Variants in TTC7A observed in about 807,000 individuals in gnomAD.
TTC7A encodes the protein tetratricopeptide repeat domain 7A.
Under a neutral mutation model 103.7 loss-of-function variants are expected in TTC7A, and 110 were observed. The ratio of observed to expected loss-of-function variants is 1.06; its 90% CI spans 0.91 to 1.24. TTC7A has a LOEUF of 1.24. Among genes scored for constraint, TTC7A ranks in the 50% most tolerant of loss-of-function variants. The pLI is 0.00. For missense variants in TTC7A, 1,340 were observed against 1,116.3 expected (o/e 1.20, Z -2.86); for synonymous variants, 521 against 467.9 (o/e 1.11, Z -1.47).
intron 18 of TTC7A, among the ~76,000 whole-genome samples, chr2:47,057,071 C>T (rs974929585): frequency 2.0e-5 from 3 of 152,234 alleles, no homozygotes; most frequent in African/African-American, 4.8e-5. Flanking sequence ...GTGGATGCGG[C>T]GCCCCAGGGC....
At chr2:47,052,276 A>G (rs1195719533) in intron 18 of TTC7A, among the ~76,000 whole-genome samples, 2 of 152,210 alleles carry the variant, frequency 1.3e-5, no homozygotes, top group African/African-American at 4.8e-5. Context: ...TGAGGTTGCC[A>G]TTCAGGTGAC....
Position 46,931,692 on chromosome 2 carries a change from T to A in TTC7A, c.82+14415T>A, listed in dbSNP as rs535073176. 2.6e-3 allele frequency among the ~76,000 whole-genome samples: 385 copies of A among 148,642 alleles called. 3 individuals are homozygous for A. Among genetic ancestry groups the A allele is most frequent in the African/African-American group, 8.6e-3 (343 of 40,016 alleles). ...TGGGGGAAAAAACAAAAACAGACAA[T>A]AATAAATAAATAAATAAATAAATAA... On this transcript the variant is annotated intron_variant, in intron 2 of 20. Coordinates refer to the TTC7A transcript ENST00000409245.
Position 46,934,787 on chromosome 2 carries a change from C to CTTTTTTTTTTT in TTC7A, c.83-15554_83-15544dup, listed in dbSNP as rs1161003607. ...GGAATAAGGTATGAAGACTACTGCT[C>CTTTTTTTTTTT]TTTTTTTTTTTTTTTTTTTTTTTTT... is the stretch of plus-strand genomic sequence containing the variant. On this transcript the variant is annotated intron_variant, in intron 2 of 20. Coordinates refer to the TTC7A transcript ENST00000409245. Among the ~76,000 whole-genome samples the CTTTTTTTTTTT allele has an allele frequency of 1.4e-3, 91 of 66,914 alleles. 11 individuals carry two copies. Among genetic ancestry groups the CTTTTTTTTTTT allele is most frequent in the Non-Finnish European group, 1.9e-3 (71 of 37,306 alleles). 43.9% of individuals were successfully genotyped at this position (66,914 alleles called of 152,430 possible).
intron 8 of TTC7A, among the ~76,000 whole-genome samples, chr2:47,001,246 G>T (rs1676771889): frequency 6.6e-6 from 1 of 152,166 alleles, no homozygotes; most frequent in South Asian, 2.1e-4. Context: ...TGGGCAGAGG[G>T]AGAGGTTAGT....
chr2:47,074,205 C>A lies in TTC7A; in HGVS notation c.*282C>A. 1 of 481,224 alleles carries A rather than the reference C, an allele frequency of 2.1e-6. No homozygotes were observed. Among genetic ancestry groups the A allele is most frequent in the South Asian group, 2.2e-5 (1 of 44,512 alleles). The allele number at this position is 481,224 out of a possible 1,614,324, so 29.8% of individuals were successfully genotyped here. On this transcript the variant is annotated 3_prime_UTR_variant, in exon 20 of 20. Coordinates refer to ENST00000319190, the MANE Select transcript of TTC7A (RefSeq NM_020458.4). ...TCCCCAAGAGCTGGGCAGCGGGGAGCCTCACAGCTGTCCTTCACCCTCACC... is the reference window on the plus strand; with the variant it reads ...TCCCCAAGAGCTGGGCAGCGGGGAGACTCACAGCTGTCCTTCACCCTCACC...
chr2:46,972,674 T>C (rs1673476220), intron 3 of TTC7A, among the ~76,000 whole-genome samples: 1 of 152,198 alleles, frequency 6.6e-6, no homozygotes, highest in African/African-American at 2.4e-5. Context: ...TACTGATAAA[T>C]GGGAAAGTGG....
At position 47,029,343 on chromosome 2, in the gene TTC7A, T is replaced by A. The variant is rs751311262; in HGVS notation, c.1761T>A (p.Asp587Glu). ...SAQKHHQHAL[D>E]VVNMAITEHP... ...AGAAGCACCACCAGCATGCCCTGGA[T>A]GTTGTCAACATGGCCATCACCGAGC... The change falls in exon 15 of 20, where the codon GAT becomes GAA. Residue 587 changes from aspartate (D) to glutamate (E), a missense_variant. Transcript: ENST00000319190. 1 of 1,613,918 alleles carries A rather than the reference T, an allele frequency of 6.2e-7. No individual in the cohort carries two copies. The highest frequency in any genetic ancestry group is 8.5e-7 in the Non-Finnish European group (1 of 1,180,038).
chr2:47,003,555 C>G (rs1282976949), intron 8 of TTC7A, among the ~76,000 whole-genome samples: 3 of 152,132 alleles, frequency 2.0e-5, no homozygotes, highest in Non-Finnish European at 4.4e-5. Context: ...AGTGATGGCT[C>G]GCAGCCCACT....
In TTC7A at chr2:46,995,172, C is replaced by A; in HGVS notation, c.1038C>A (p.Leu346=). ...CCAAGGACAACATCGAGGAAGCCCTCCTGCTCCTCCTCATCAGCGAATCCA... is the reference window on the plus strand; with the variant it reads ...CCAAGGACAACATCGAGGAAGCCCTACTGCTCCTCCTCATCAGCGAATCCA... The part of the protein sequence containing the change: ...YCPKDNIEEA[L]LLLLISESMA... The change falls in exon 8 of 20, where the codon CTC becomes CTA. Residue 346 remains leucine (L), a synonymous_variant. Transcript: ENST00000319190. 6.2e-7 allele frequency: 1 copy of A among 1,614,186 alleles called. No homozygotes were observed. The highest frequency in any genetic ancestry group is 8.5e-7 in the Non-Finnish European group (1 of 1,180,022).
In TTC7A at chr2:47,074,779, CT is replaced by C; in HGVS notation, c.*860del. The C allele has an allele frequency of 6.6e-6, 1 of 152,636 alleles. No homozygotes were observed. Among genetic ancestry groups the C allele is most frequent in the Non-Finnish European group, 1.5e-5 (1 of 68,296 alleles). The allele number at this position is 152,636 out of a possible 1,614,324, so 9.5% of individuals were successfully genotyped here. ...GCCTTGATTCGAGCCTCACCCTGGC[CT>C]TTTGGCTTCCCCTGCCTGAGAGAGA... On this transcript the variant is annotated 3_prime_UTR_variant, in exon 20 of 20. Coordinates refer to ENST00000319190, the MANE Select transcript of TTC7A (RefSeq NM_020458.4).
intron 2 of TTC7A, among the ~76,000 whole-genome samples, chr2:46,952,271 T>C (rs1463812155): frequency 6.6e-6 from 1 of 152,168 alleles, no homozygotes; most frequent in Non-Finnish European, 1.5e-5. Context: ...CAGTTTCTCA[T>C]CTGCTGGTCA....
In TTC7A at chr2:46,978,905, G is replaced by T. The variant is rs781352767; in HGVS notation, c.762G>T (p.Lys254Asn). 6.2e-7 allele frequency: 1 copy of T among 1,611,784 alleles called. No individual in the cohort carries two copies. Among genetic ancestry groups the T allele is most frequent in the East Asian group, 2.2e-5 (1 of 44,876 alleles). ...LQSAYVKNLK[K>N]GNIVKGMREL... The stretch of plus-strand genomic sequence containing the variant: ...GCGCCTATGTGAAAAACCTGAAGAA[G>T]GGGTAGGTCACTGGTAGTTGAGTGA... The change falls in exon 5 of 20, where the codon AAG becomes AAT. Residue 254 changes from lysine to asparagine, a missense_variant and splice_region_variant. Physicochemically the swap from Lys to Asn is moderately conservative, Grantham distance 94. Coordinates refer to ENST00000319190, the MANE Select transcript of TTC7A (RefSeq NM_020458.4).
At chr2:47,012,498 G>T (rs931227694) in intron 11 of TTC7A, among the ~76,000 whole-genome samples, 13 of 152,292 alleles carry the variant, frequency 8.5e-5, no homozygotes, top group African/African-American at 3.1e-4. Flanking sequence ...TCACCATTGT[G>T]TGCCCAGCTT....
chr2:47,059,655 A>G lies in TTC7A; in HGVS notation c.2153-1114A>G, dbSNP rs533161816. Among the ~76,000 whole-genome samples the G allele has an allele frequency of 4.8e-4, 73 of 152,282 alleles. 1 individual carries two copies. In the South Asian group the frequency reaches 0.015, roughly 32 times the overall value. Reference sequence around the variant, plus strand: ...TGCTTCCATCCCCTTCTCCCTGGACATGCAATGAACAAAGTGAAGGAACAC... The same window carrying G: ...TGCTTCCATCCCCTTCTCCCTGGACGTGCAATGAACAAAGTGAAGGAACAC... On this transcript the variant is annotated intron_variant, in intron 18 of 19. Transcript: ENST00000319190.
At chr2:47,011,260 G>A in intron 10 of TTC7A, 71 bp from the exon 11 acceptor site, 1 of 1,416,694 alleles carries the variant, frequency 7.1e-7, no homozygotes, top group Middle Eastern at 1.8e-4. Context: ...TGTTTGGGAA[G>A]CTCGCCCCAC....
At chr2:46,970,944 G>C (rs115027417) in intron 3 of TTC7A, among the ~76,000 whole-genome samples, 3 of 152,208 alleles carry the variant, frequency 2.0e-5, no homozygotes, top group Admixed American at 2.0e-4. Flanking sequence ...TTTGGATCTG[G>C]TCACACCCCA....
intron 19 of TTC7A, among the ~76,000 whole-genome samples, chr2:47,066,540 G>A (rs371174749): frequency 3.7e-4 from 56 of 152,034 alleles, no homozygotes; most frequent in African/African-American, 7.5e-4. Flanking sequence ...CACCCCCTCC[G>A]CCTGCTGGCT....
chr2:46,985,890 A>G (rs1017745229), intron 5 of TTC7A, among the ~76,000 whole-genome samples: 2 of 152,336 alleles, frequency 1.3e-5, no homozygotes, highest in Admixed American at 6.5e-5. Flanking sequence ...TCTCAGCCTC[A>G]GTACTGCTGA....
chr2:47,004,100 C>G (rs940153610), intron 8 of TTC7A, among the ~76,000 whole-genome samples: 1 of 152,232 alleles, frequency 6.6e-6, no homozygotes, highest in African/African-American at 2.4e-5. Flanking sequence ...TCCTGTTCCA[C>G]AGGCTGACTC....
Sources: gnomAD v4.1 joint callset for allele counts (sites outside exome capture counted in the v4.1 genomes callset) on GRCh38, gnomAD v4.1.1 for gene constraint, MANE v1.5 for transcripts, NCBI Gene and HGNC (gene_info 2026-07-23, HGNC 2026-07-21) for gene names.